The following SLC38A4 variants were observed in gnomAD, a reference collection of about 807,000 sequenced individuals.
SLC38A4 encodes solute carrier family 38 member 4.
SLC38A4 carries 20 observed loss-of-function variants against 63.1 expected under a neutral mutation model. The ratio of observed to expected loss-of-function variants is 0.32; its 90% CI spans 0.22 to 0.46. The LOEUF (loss-of-function observed/expected upper bound fraction) is 0.46, where lower values mean the gene tolerates loss of function less well. Ranked by LOEUF, SLC38A4 falls within the 20% of genes least tolerant of loss-of-function variation. SLC38A4 has a pLI of 1.00. For missense variants in SLC38A4, 526 were observed against 663.6 expected (o/e 0.79, Z 2.28); for synonymous variants, 230 against 225.5 (o/e 1.02, Z -0.18).
intron 1 of SLC38A4, among the ~76,000 whole-genome samples, chr12:46,817,022 G>C (rs925566481): frequency 6.6e-5 from 10 of 150,784 alleles, no homozygotes; most frequent in African/African-American, 2.4e-4. Context: ...TTCAGGTAGA[G>C]TAGCTTAATA....
chr12:46,808,668 G>A (rs117896856), intron 1 of SLC38A4, among the ~76,000 whole-genome samples: 1,932 of 152,044 alleles, frequency 0.013, 26 homozygotes, highest in East Asian at 0.064. Flanking sequence ...GTTCATTTCA[G>A]GCTTCCACCT....
intron 3 of SLC38A4, among the ~76,000 whole-genome samples, chr12:46,790,862 A>C (rs1209728431): frequency 6.6e-6 from 1 of 152,236 alleles, no homozygotes; most frequent in Non-Finnish European, 1.5e-5. Flanking sequence ...TTTCTCAAAA[A>C]TTTACATTTA....
chr12:46,831,488 C>T (rs1307905492), intron 1 of SLC38A4, among the ~76,000 whole-genome samples: 15 of 152,252 alleles, frequency 9.9e-5, no homozygotes, highest in Non-Finnish European at 2.1e-4. Context: ...ACCGCCCTGC[C>T]CTTCACTCCA....
intron 7 of SLC38A4, among the ~76,000 whole-genome samples, chr12:46,781,708 A>T (rs1938644213): frequency 6.6e-6 from 1 of 152,016 alleles, no homozygotes; most frequent in Admixed American, 6.6e-5. Context: ...TTACTCCCTT[A>T]AAGTCACGCC....
intron 14 of SLC38A4, among the ~76,000 whole-genome samples, chr12:46,772,818 G>T (rs1938446253): frequency 6.6e-6 from 1 of 152,066 alleles, no homozygotes; most frequent in Non-Finnish European, 1.5e-5. Context: ...GCCTAAAGCT[G>T]ATAGATTTTA....
At chr12:46,786,068 C>T (rs1938755637) in intron 5 of SLC38A4, among the ~76,000 whole-genome samples, 1 of 151,866 alleles carries the variant, frequency 6.6e-6, no homozygotes, top group African/African-American at 2.4e-5. Flanking sequence ...TTTTATAACC[C>T]CTGTAGCTAT....
At chr12:46,812,090 T>A (rs571258452) in intron 1 of SLC38A4, among the ~76,000 whole-genome samples, 1 of 152,168 alleles carries the variant, frequency 6.6e-6, no homozygotes, top group East Asian at 1.9e-4. Context: ...TTAATTAATA[T>A]CTTAATTTGC....
Position 46,775,037 on chromosome 12 carries a change from T to A in SLC38A4, c.1299+12A>T. The stretch of plus-strand genomic sequence containing the variant: ...CAAGTAGGTTTCTTTCATCAAAGTC[T>A]TATGTACTTACTGGGAAGAGGACAA... On this transcript the variant is annotated intron_variant, in intron 14 of 16. Coordinates refer to ENST00000266579, the MANE Select transcript of SLC38A4 (RefSeq NM_018018.5). 1.9e-6 allele frequency: 3 copies of A among 1,611,704 alleles called. No homozygotes were observed. Among genetic ancestry groups the A allele is most frequent in the Non-Finnish European group, 2.5e-6 (3 of 1,178,600 alleles).
intron 1 of SLC38A4, among the ~76,000 whole-genome samples, chr12:46,810,071 A>C (rs1939309927): frequency 6.6e-6 from 1 of 152,024 alleles, no homozygotes; most frequent in Admixed American, 6.6e-5. Flanking sequence ...CCTGCTATAT[A>C]TTAAAATGTT....
intron 1 of SLC38A4, among the ~76,000 whole-genome samples, chr12:46,821,237 G>A (rs1366858489): frequency 6.6e-6 from 1 of 152,002 alleles, no homozygotes; most frequent in Non-Finnish European, 1.5e-5. Context: ...TCACTGCTAA[G>A]ACCAATGTTA....
intron 5 of SLC38A4, among the ~76,000 whole-genome samples, chr12:46,785,467 C>T (rs1439330496): frequency 6.6e-6 from 1 of 152,026 alleles, no homozygotes; most frequent in East Asian, 1.9e-4. Context: ...GCAACATTAG[C>T]AAATGCTACA....
chr12:46,791,155 C>T (rs1003416309), intron 3 of SLC38A4, among the ~76,000 whole-genome samples: 1 of 152,160 alleles, frequency 6.6e-6, no homozygotes, highest in African/African-American at 2.4e-5. Context: ...CAGAAACATC[C>T]TCAGGTTTGA....
chr12:46,831,446 AC>A (rs1939730047), intron 1 of SLC38A4, among the ~76,000 whole-genome samples: 2 of 151,440 alleles, frequency 1.3e-5, no homozygotes, highest in South Asian at 4.2e-4. Flanking sequence ...GGTTGCCGCG[AC>A]CCCACTATCC....
intron 1 of SLC38A4, among the ~76,000 whole-genome samples, chr12:46,820,438 T>C (rs7963364): frequency 0.56 from 85,195 of 151,862 alleles, 24,525 homozygotes; most frequent in Non-Finnish European, 0.61. Context: ...TTTGTCCTTC[T>C]GTGACTGGCT....
At chr12:46,828,167 T>C (rs1027100189), upstream of SLC38A4, among the ~76,000 whole-genome samples, 1 of 152,132 alleles carries the variant, frequency 6.6e-6, no homozygotes, top group African/African-American at 2.4e-5. Context: ...ATCCTCCAAT[T>C]CTTTGCCTGG....
At chr12:46,773,524 C>T (rs956694813) in intron 14 of SLC38A4, among the ~76,000 whole-genome samples, 5 of 152,080 alleles carry the variant, frequency 3.3e-5, no homozygotes, top group Admixed American at 6.6e-5. Flanking sequence ...AATTTTGGTT[C>T]TAATGGCATC....
At chr12:46,831,990 C>A (rs911950132) in intron 1 of SLC38A4, among the ~76,000 whole-genome samples, 3 of 152,130 alleles carry the variant, frequency 2.0e-5, no homozygotes, top group African/African-American at 7.2e-5. Flanking sequence ...TTGGCACAAC[C>A]GCTTCTCCTT....
chr12:46,776,210 G>T (rs971788585), intron 13 of SLC38A4, among the ~76,000 whole-genome samples: 3 of 151,956 alleles, frequency 2.0e-5, no homozygotes, highest in African/African-American at 7.2e-5. Flanking sequence ...AGGTCAATAT[G>T]TGATTCCATG....
chr12:46,778,198 A>G (rs185996441), intron 12 of SLC38A4, 91 bp downstream of exon 12: 45 of 1,226,334 alleles, frequency 3.7e-5, no homozygotes, highest in Non-Finnish European at 1.3e-5. Flanking sequence ...CTGAAGAGGA[A>G]GCTATAAACT....
Sources: allele counts gnomAD v4.1 joint callset (sites outside exome capture counted in the v4.1 genomes callset), GRCh38; gene constraint gnomAD v4.1.1; transcripts MANE v1.5; gene names NCBI Gene and HGNC (gene_info 2026-07-23, HGNC 2026-07-21).